The following EFTUD2 variants were observed in gnomAD, a reference collection of about 807,000 sequenced individuals.
EFTUD2 encodes 116 kDa U5 small nuclear ribonucleoprotein component.
Under a neutral mutation model 114.3 loss-of-function variants are expected in EFTUD2, and 9 were observed. That is an observed-to-expected ratio of 0.08 (90% CI 0.05 to 0.14). The LOEUF (loss-of-function observed/expected upper bound fraction) is 0.14, where lower values mean the gene tolerates loss of function less well. Ranked by LOEUF, EFTUD2 falls within the 10% of genes least tolerant of loss-of-function variation. EFTUD2 has a pLI of 1.00. For synonymous variants in EFTUD2, 449 were observed against 462.3 expected, an observed-to-expected ratio of 0.97 and a Z score of 0.37; for missense variants, 765 against 1,241.2, an observed-to-expected ratio of 0.62 and a Z score of 5.76.
At position 44,860,305 on chromosome 17, in the gene EFTUD2, A is replaced by G. The variant is rs564867025; in HGVS notation, c.1719+127T>C. ...AGTACAGGGAGAATCCAGCAGGGTC[A>G]TATCTAGAAGGCTAAGCCTGAAACC... is the stretch of plus-strand genomic sequence containing the variant. On this transcript the variant is annotated intron_variant, in intron 17 of 27. Coordinates refer to ENST00000426333, the MANE Select transcript of EFTUD2 (RefSeq NM_004247.4). 53 of 784,036 alleles carry G rather than the reference A, an allele frequency of 6.8e-5. 2 individuals are homozygous for G. The highest frequency in any genetic ancestry group is 6.5e-4 in the South Asian group (40 of 61,586). 48.6% of individuals were successfully genotyped at this position (784,036 alleles called of 1,614,324 possible). A position where few individuals can be genotyped will look rare whatever the true frequency, so the allele number is the denominator to read the frequency against.
chr17:44,886,759 A>G lies in EFTUD2; in HGVS notation c.106-9T>C, dbSNP rs538113625. On this transcript the variant is annotated splice_polypyrimidine_tract_variant and intron_variant, in intron 2 of 27. Coordinates refer to ENST00000426333, the MANE Select transcript of EFTUD2 (RefSeq NM_004247.4). ...TCGTCATCATCATCCATCTGAAAGCAAGAGGGAGAGGGAGAATCGAAGAGG... is the reference window on the plus strand; with the variant it reads ...TCGTCATCATCATCCATCTGAAAGCGAGAGGGAGAGGGAGAATCGAAGAGG... The G allele has an allele frequency of 4.0e-5, 65 of 1,611,772 alleles. No homozygotes were observed. The South Asian group carries it at 6.8e-4, about 17-fold the overall frequency.
At chr17:44,883,045 T>C (rs2051101163) in intron 6 of EFTUD2, 48 bp downstream of exon 6, 3 of 1,581,730 alleles carry the variant, frequency 1.9e-6, no homozygotes, top group East Asian at 4.5e-5. Context: ...GACATCTCTA[T>C]CTGTTCTGAA....
intron 9 of EFTUD2, among the ~76,000 whole-genome samples, chr17:44,877,419 A>G (rs1412598453): frequency 6.6e-6 from 1 of 152,252 alleles, no homozygotes; most frequent in African/African-American, 2.4e-5. Flanking sequence ...GGACAGTAAC[A>G]GATTATAACT....
At chr17:44,888,934 T>C (rs1389692601) in intron 2 of EFTUD2, among the ~76,000 whole-genome samples, 1 of 151,928 alleles carries the variant, frequency 6.6e-6, no homozygotes, top group Non-Finnish European at 1.5e-5. Context: ...TGAGTCGTCA[T>C]AAAGTTATTT....
intron 1 of EFTUD2, chr17:44,899,082 C>T (rs1463851484): frequency 6.6e-6 from 1 of 152,166 alleles, no homozygotes; most frequent in Non-Finnish European, 1.5e-5. Flanking sequence ...AGCGAGGGGA[C>T]TGGACAGTTA....
At chr17:44,894,559 C>A in intron 1 of EFTUD2, 34 bp from the exon 2 acceptor site, 1 of 1,510,118 alleles carries the variant, frequency 6.6e-7, no homozygotes, top group Non-Finnish European at 9.2e-7. Context: ...TAGATTCTGA[C>A]AAGGTAATCA....
At chr17:44,851,424 G>T in intron 27 of EFTUD2, 55 bp from the exon 28 acceptor site, 1 of 1,435,356 alleles carries the variant, frequency 7.0e-7, no homozygotes. Context: ...GACTAAGCAA[G>T]GAGACTATCC....
At position 44,862,697 on chromosome 17, in the gene EFTUD2, C is replaced by T. The variant is rs2050679615; in HGVS notation, c.1607+16G>A. 6.2e-7 allele frequency: 1 copy of T among 1,608,022 alleles called. No homozygotes were observed. Among genetic ancestry groups the T allele is most frequent in the Non-Finnish European group, 8.5e-7 (1 of 1,176,404 alleles). On this transcript the variant is annotated intron_variant, in intron 16 of 27. Transcript: ENST00000426333. ...TAGACACCAAGGCATACTCCTGGGG[C>T]TCTGGTTGGCAGTACCTGGCCACAG...
chr17:44,883,580 C>A, intron 5 of EFTUD2, 69 bp downstream of exon 5: 1 of 1,471,716 alleles, frequency 6.8e-7, no homozygotes, highest in Non-Finnish European at 9.5e-7. Flanking sequence ...CGCTGTGACT[C>A]TAAGGGCTAA....
In EFTUD2 at chr17:44,850,327, C is replaced by T. The variant is rs771147528; in HGVS notation, c.*947G>A. On this transcript the variant is annotated 3_prime_UTR_variant, in exon 28 of 28. Coordinates refer to ENST00000426333, the MANE Select transcript of EFTUD2 (RefSeq NM_004247.4). Reference sequence around the variant, plus strand: ...AAGGGGCATTATTTCTTTTCTCTCACACAGGTGCTGTGTACACAATGTACA... The same window carrying T: ...AAGGGGCATTATTTCTTTTCTCTCATACAGGTGCTGTGTACACAATGTACA... 1.9e-6 allele frequency: 3 copies of T among 1,611,252 alleles called. No homozygotes were observed. Among genetic ancestry groups the T allele is most frequent in the Non-Finnish European group, 2.5e-6 (3 of 1,178,364 alleles).
intron 2 of EFTUD2, among the ~76,000 whole-genome samples, chr17:44,887,404 G>A (rs550165308): frequency 1.3e-5 from 2 of 152,188 alleles, no homozygotes; most frequent in African/African-American, 2.4e-5. Flanking sequence ...TAGCCAAAAA[G>A]TGGGAACAAC....
intron 8 of EFTUD2, chr17:44,880,338 C>T (rs745644612): frequency 2.0e-5 from 8 of 410,116 alleles, no homozygotes; most frequent in African/African-American, 8.2e-5. Context: ...TTTAAATATT[C>T]GAAAGAGTAA....
rs767506308 is a variant in EFTUD2 at position 44,850,405 on chromosome 17, T to C, written c.*869A>G. 5 of 1,607,968 alleles carry C rather than the reference T, an allele frequency of 3.1e-6. No individual in the cohort carries two copies. Among genetic ancestry groups the C allele is most frequent in the Non-Finnish European group, 4.3e-6 (5 of 1,175,710 alleles). On this transcript the variant is annotated 3_prime_UTR_variant, in exon 28 of 28. Transcript: ENST00000426333. ...ATGCTGGAGAGAAGTAGGACTCCTATAGGAGCCGGGGCTGTCCAACTCCCC... is the reference window on the plus strand; with the variant it reads ...ATGCTGGAGAGAAGTAGGACTCCTACAGGAGCCGGGGCTGTCCAACTCCCC...
Position 44,850,487 on chromosome 17 carries a change from CT to C in EFTUD2, c.*786del. 1.1e-6 allele frequency: 1 copy of C among 910,376 alleles called. No individual in the cohort carries two copies. The highest frequency in any genetic ancestry group is 1.8e-6 in the Non-Finnish European group (1 of 564,644). 56.4% of individuals were successfully genotyped at this position (910,376 alleles called of 1,614,324 possible). On this transcript the variant is annotated 3_prime_UTR_variant, in exon 28 of 28. Transcript: ENST00000426333. ...CAGTTTTGAGGAAAATCAACAGACT[CT>C]TTTTCACTGGGGGAGAACAGAGTAA...
intron 13 of EFTUD2, among the ~76,000 whole-genome samples, chr17:44,866,411 ATTTAT>A (rs60131431): frequency 9.2e-5 from 14 of 151,432 alleles, no homozygotes; most frequent in South Asian, 4.2e-4. Context: ...GTCCCAGTTG[ATTTAT>A]TTTATTTTTT....
intron 18 of EFTUD2, 63 bp from the exon 19 acceptor site, chr17:44,859,244 A>C: frequency 8.5e-7 from 1 of 1,169,790 alleles, no homozygotes; most frequent in South Asian, 1.2e-5. Flanking sequence ...CACACAAACA[A>C]AATCAAGGCC....
intron 10 of EFTUD2, among the ~76,000 whole-genome samples, chr17:44,874,083 C>T (rs151142200): frequency 7.2e-4 from 108 of 149,764 alleles, no homozygotes; most frequent in African/African-American, 2.6e-3. Flanking sequence ...ACTCTGTCAC[C>T]CACATTGGAG....
At chr17:44,858,958 G>T (rs1220265574) in intron 19 of EFTUD2, 122 bp downstream of exon 19, 5 of 712,670 alleles carry the variant, frequency 7.0e-6, no homozygotes, top group Non-Finnish European at 1.0e-5. Flanking sequence ...AGGAGCAACA[G>T]ATCATGGTTT....
At chr17:44,862,629 A>G in intron 16 of EFTUD2, 84 bp downstream of exon 16, 1 of 1,359,990 alleles carries the variant, frequency 7.4e-7, no homozygotes, top group Non-Finnish European at 1.0e-6. Flanking sequence ...AACTACTTCC[A>G]AGGAGGATCA....
Sources: gnomAD v4.1 joint callset for allele counts (sites outside exome capture counted in the v4.1 genomes callset) on GRCh38, gnomAD v4.1.1 for gene constraint, MANE v1.5 for transcripts, NCBI Gene and HGNC (gene_info 2026-07-23, HGNC 2026-07-21) for gene names.